Variants in GPR173 observed in about 807,000 individuals in gnomAD.
GPR173 encodes probable G protein-coupled receptor 173.
A neutral mutation model predicts 13.9 loss-of-function variants in GPR173; 2 were observed. That is an observed-to-expected ratio of 0.14 (90% CI 0.06 to 0.45). GPR173 has a LOEUF of 0.45. GPR173 is among the 20% of genes least tolerant of loss of function. The pLI is 0.98. For missense variants in GPR173, 202 were observed against 340.5 expected (o/e 0.59, Z 3.20); for synonymous variants, 131 against 141.0 (o/e 0.93, Z 0.50).
chrX:53,059,606 A>G (rs1932092555), intron 1 of GPR173, among the ~76,000 whole-genome samples: 1 of 109,218 alleles, frequency 9.2e-6, no homozygotes, highest in Non-Finnish European at 1.9e-5. Context: ...AGCCTGAGCA[A>G]CATGGCGAAA....
rs781981182 is a variant in GPR173 at position 53,079,243 on chromosome X, C to G, written c.*1500C>G. On this transcript the variant is annotated 3_prime_UTR_variant, in exon 2 of 2. Coordinates refer to ENST00000332582, the MANE Select transcript of GPR173 (RefSeq NM_018969.6). ...GAAGTCCCTGTCCTAAACTCCCTCC[C>G]TAGCCCAAGAGAGCCCCAGAACTGG... The G allele has an allele frequency of 8.2e-6, 1 of 122,616 alleles. No individual in the cohort carries two copies. Among genetic ancestry groups the G allele is most frequent in the South Asian group, 3.7e-4 (1 of 2,667 alleles). 10.1% of individuals were successfully genotyped at this position (122,616 alleles called of 1,213,427 possible).
chrX:53,077,278 A>G lies in GPR173; in HGVS notation c.657A>G (p.Pro219=). The change falls in exon 2 of 2, where the codon CCA becomes CCG. Residue 219 remains proline (P), a synonymous_variant. Transcript: ENST00000332582. The part of the protein sequence containing the change: ...LFEYRHRKMK[P]VQMVPAISQN... ...AGTATCGTCACCGCAAGATGAAGCCAGTGCAGATGGTGCCAGCCATCAGCC... is the reference window on the plus strand; with the variant it reads ...AGTATCGTCACCGCAAGATGAAGCCGGTGCAGATGGTGCCAGCCATCAGCC... The G allele has an allele frequency of 1.7e-6, 2 of 1,185,785 alleles. No individual in the cohort carries two copies. The highest frequency in any genetic ancestry group is 6.1e-5 in the East Asian group (2 of 32,769).
intron 1 of GPR173, among the ~76,000 whole-genome samples, chrX:53,075,045 GA>G (rs1247390372): frequency 9.7e-6 from 1 of 102,812 alleles, no homozygotes; most frequent in Non-Finnish European, 2.0e-5. Flanking sequence ...TCATTCAGAG[GA>G]AAAAGTTCTC....
At chrX:53,050,634 G>A (rs1159887059) in intron 1 of GPR173, among the ~76,000 whole-genome samples, 1 of 112,057 alleles carries the variant, frequency 8.9e-6, no homozygotes, top group Admixed American at 9.4e-5. Flanking sequence ...CATCGAGGTG[G>A]CACTGAAGCA....
chrX:53,054,439 G>A (rs2146672003), intron 1 of GPR173, among the ~76,000 whole-genome samples: 1 of 109,311 alleles, frequency 9.1e-6, no homozygotes, highest in African/African-American at 3.3e-5. Context: ...AGGAGGTGGA[G>A]GTTGCAGTGA....
chrX:53,077,551 G>A lies in GPR173; in HGVS notation c.930G>A (p.Val310=). 1 of 1,211,521 alleles carries A rather than the reference G, an allele frequency of 8.3e-7. No homozygotes were observed. The change falls in exon 2 of 2, where the codon GTG becomes GTA. Residue 310 remains valine, a synonymous_variant. Coordinates refer to ENST00000332582, the MANE Select transcript of GPR173 (RefSeq NM_018969.6). ...SPYIVACYWR[V]FVKACAVPHR... is the part of the protein sequence containing the mutation. Reference sequence around the variant, plus strand: ...ACATCGTGGCCTGCTACTGGCGAGTGTTTGTGAAAGCCTGTGCTGTGCCCC... The same window carrying A: ...ACATCGTGGCCTGCTACTGGCGAGTATTTGTGAAAGCCTGTGCTGTGCCCC...
At chrX:53,056,905 T>C (rs1380782982) in intron 1 of GPR173, among the ~76,000 whole-genome samples, 2 of 111,697 alleles carry the variant, frequency 1.8e-5, no homozygotes, top group African/African-American at 6.5e-5. Flanking sequence ...AAGTGGTATG[T>C]ATCTGTACTT....
At chrX:53,062,200 G>A (rs914593643) in intron 1 of GPR173, among the ~76,000 whole-genome samples, 8 of 110,619 alleles carry the variant, frequency 7.2e-5, no homozygotes, top group Non-Finnish European at 1.5e-4. Flanking sequence ...ATGAACTTCG[G>A]AGGACACATT....
At chrX:53,070,982 T>TC (rs1932249323) in intron 1 of GPR173, 1 of 111,258 alleles carries the variant, frequency 9.0e-6, no homozygotes, top group African/African-American at 3.3e-5. Flanking sequence ...TTTTTTTTTT[T>TC]TTTAGATGGA....
At position 53,059,150 on chromosome X, in the gene GPR173, A is replaced by G. The variant is rs781928496; in HGVS notation, c.-98+9666A>G. On this transcript the variant is annotated intron_variant, in intron 1 of 1. Coordinates refer to ENST00000332582, the MANE Select transcript of GPR173 (RefSeq NM_018969.6). ...TGTAGTCCCAGCTACTCGGGAGGCTAAGGCAGGAGAATGGCGTGAACCTGG... is the reference window on the plus strand; with the variant it reads ...TGTAGTCCCAGCTACTCGGGAGGCTGAGGCAGGAGAATGGCGTGAACCTGG... 6.8e-3 allele frequency among the ~76,000 whole-genome samples: 728 copies of G among 106,969 alleles called. 3 individuals are homozygous for G. The highest frequency in any genetic ancestry group is 0.011 in the Non-Finnish European group (564 of 51,562). 92.9% of individuals were successfully genotyped at this position (106,969 alleles called of 115,157 possible).
intron 1 of GPR173, among the ~76,000 whole-genome samples, chrX:53,052,916 A>G (rs1222926412): frequency 9.0e-6 from 1 of 111,173 alleles, no homozygotes; most frequent in Non-Finnish European, 1.9e-5. Context: ...ATGGATGTAC[A>G]GTTGTGTGCA....
chrX:53,075,674 C>T (rs1932422007), intron 1 of GPR173, among the ~76,000 whole-genome samples: 1 of 110,083 alleles, frequency 9.1e-6, no homozygotes, highest in Non-Finnish European at 1.9e-5. Context: ...CAATCTGGCC[C>T]CAAGGCATCT....
In GPR173 at chrX:53,077,503, C is replaced by G; in HGVS notation, c.882C>G (p.Leu294=). The change falls in exon 2 of 2, where the codon CTC becomes CTG. Residue 294 remains leucine, a synonymous_variant. Coordinates refer to ENST00000332582, the MANE Select transcript of GPR173 (RefSeq NM_018969.6). ...LGRMFYAITL[L]FLLLWSPYIV... is the part of the protein sequence containing the mutation. ...GCATGTTCTACGCGATCACACTGCT[C>G]TTTCTGCTCCTCTGGTCACCCTACA... 8.3e-7 allele frequency: 1 copy of G among 1,211,565 alleles called. No individual in the cohort carries two copies. The highest frequency in any genetic ancestry group is 1.8e-5 in the South Asian group (1 of 56,993).
In GPR173 at chrX:53,077,720, A is replaced by G; in HGVS notation, c.1099A>G (p.Arg367Gly). Residue 367 changes from arginine (R) to glycine (G), a missense_variant, in exon 2 of 2, where the codon AGA becomes GGA. This residue lies in a region of GPR173 where 76 missense variants were observed against 116.3 expected (regional missense o/e 0.65). Coordinates refer to ENST00000332582, the MANE Select transcript of GPR173 (RefSeq NM_018969.6). Reference sequence around the variant, plus strand: ...GGGCACAGGAGGTGCCCCGGCTCCCAGAGAACCCTACTGTGTCATGTGAAG... The same window carrying G: ...GGGCACAGGAGGTGCCCCGGCTCCCGGAGAACCCTACTGTGTCATGTGAAG... ...CWGTGGAPAP[R>G]EPYCVM The G allele has an allele frequency of 8.3e-7, 1 of 1,208,798 alleles. No individual in the cohort carries two copies. The highest frequency in any genetic ancestry group is 1.8e-5 in the South Asian group (1 of 56,906).
chrX:53,073,592 G>C (rs934652636), intron 1 of GPR173, among the ~76,000 whole-genome samples: 1 of 107,192 alleles, frequency 9.3e-6, no homozygotes, highest in Non-Finnish European at 1.9e-5. Flanking sequence ...CACAGCCCCA[G>C]CCCATTTAAT....
chrX:53,077,697 G>A lies in GPR173; in HGVS notation c.1076G>A (p.Gly359Asp). 1.7e-6 allele frequency: 2 copies of A among 1,208,615 alleles called. No individual in the cohort carries two copies. The highest frequency in any genetic ancestry group is 2.2e-6 in the Non-Finnish European group (2 of 893,159). ...KCLRTHAPCW[G>D]TGGAPAPREP... ...CTGAGGACTCACGCCCCCTGCTGGG[G>A]CACAGGAGGTGCCCCGGCTCCCAGA... Residue 359 changes from glycine (G) to aspartate (D), a missense_variant, in exon 2 of 2, where the codon GGC (glycine) becomes GAC (aspartate). Gly to Asp is a moderately conservative substitution (Grantham distance 94, BLOSUM62 -1). Coordinates refer to ENST00000332582, the MANE Select transcript of GPR173 (RefSeq NM_018969.6).
chrX:53,054,598 G>A (rs1932007918), intron 1 of GPR173, among the ~76,000 whole-genome samples: 1 of 109,644 alleles, frequency 9.1e-6, no homozygotes, highest in South Asian at 4.0e-4. Flanking sequence ...GGATTGGGGG[G>A]GTGAGTGTGG....
chrX:53,062,989 C>T (rs920841299), intron 1 of GPR173, among the ~76,000 whole-genome samples: 14 of 111,175 alleles, frequency 1.3e-4, no homozygotes, highest in Non-Finnish European at 2.5e-4. Flanking sequence ...AAGTCTCATG[C>T]CTCCAGCCTT....
chrX:53,057,223 C>T (rs782473787), intron 1 of GPR173, among the ~76,000 whole-genome samples: 10 of 110,165 alleles, frequency 9.1e-5, no homozygotes, highest in Non-Finnish European at 1.9e-4. Flanking sequence ...TCGAGACCAG[C>T]CTGACCAATG....
Sources: gnomAD v4.1 joint callset for allele counts (sites outside exome capture counted in the v4.1 genomes callset) on GRCh38, gnomAD v4.1.1 for gene constraint, gnomAD v4.1.1 regional missense constraint, MANE v1.5 for transcripts, NCBI Gene and HGNC (gene_info 2026-07-23, HGNC 2026-07-21) for gene names.